CHD1L: variants seen among roughly 807,000 people sequenced by gnomAD.
CHD1L encodes ATP-dependent chromatin remodeler CHD1L.
A neutral mutation model predicts 115.9 loss-of-function variants in CHD1L; 118 were observed. The observed-to-expected ratio is 1.02, with a 90% CI of 0.88 to 1.19. CHD1L has a LOEUF of 1.19. Among genes scored for constraint, CHD1L ranks in the 50% most tolerant of loss-of-function variants. The probability of loss-of-function intolerance (pLI) is 0.00; values close to 1 mark genes in which losing one functional copy is unlikely to be tolerated. For missense variants in CHD1L, 1,179 were observed against 1,065.3 expected (o/e 1.11, Z -1.49); for synonymous variants, 411 against 387.1 (o/e 1.06, Z -0.72).
At chr1:147,179,730 C>G in the CHD1L span, 5 of 676,656 alleles carry the variant, frequency 7.4e-6, no homozygotes, top group Non-Finnish European at 1.3e-5. Flanking sequence ...GTCTCAGGGC[C>G]GAGAGGACAG....
At chr1:147,252,072 G>A (rs186095756) in intron 1 of CHD1L, among the ~76,000 whole-genome samples, 6 of 152,214 alleles carry the variant, frequency 3.9e-5, no homozygotes, top group Middle Eastern at 3.4e-3. Context: ...AGTAAGTTCC[G>A]TATTAATTTC....
At chr1:147,223,623 A>C in the CHD1L span, 92,847 of 157,202 alleles carry the variant, frequency 0.59, 29,560 homozygotes, top group East Asian at 0.87. Context: ...AAGCAGGAAG[A>C]CAAAAAAGTT....
At chr1:147,204,794 A>ATGC in the CHD1L span, 1 of 1,591,730 alleles carries the variant, frequency 6.3e-7, no homozygotes, top group Non-Finnish European at 8.6e-7. Context: ...TTTCGTCCAT[A>ATGC]TGCTGTACGA....
At chr1:147,267,377 G>T in intron 8 of CHD1L, 49 bp from the exon 9 acceptor site, 1 of 1,429,640 alleles carries the variant, frequency 7.0e-7, no homozygotes, top group Non-Finnish European at 9.8e-7. Flanking sequence ...TTTCTGTTTT[G>T]TTCAGTAGGC....
intron 10 of CHD1L, 55 bp downstream of exon 10, chr1:147,268,933 T>C: frequency 7.2e-7 from 1 of 1,389,972 alleles, no homozygotes; most frequent in Non-Finnish European, 1.0e-6. Context: ...AAAACCTGAC[T>C]ATTGAGGAAC....
chr1:147,260,997 A>C (rs587600984), intron 6 of CHD1L: 10 of 152,314 alleles, frequency 6.6e-5, no homozygotes, highest in East Asian at 5.8e-4. Flanking sequence ...CCAATTAATA[A>C]ATTTAGAGGT....
At chr1:147,179,638 AAAC>A in the CHD1L span, 1 of 1,419,832 alleles carries the variant, frequency 7.0e-7, no homozygotes, top group South Asian at 1.2e-5. Context: ...AGCAGTAGGC[AAAC>A]ACCACTTTGT....
At chr1:147,287,612 A>G in intron 18 of CHD1L, 23 bp from the exon 19 acceptor site, 2 of 1,598,472 alleles carry the variant, frequency 1.3e-6, no homozygotes, top group Middle Eastern at 1.7e-4. Flanking sequence ...CTATAGATGA[A>G]AATTTTCTCT....
At position 147,287,640 on chromosome 1, in the gene CHD1L, T is replaced by C; in HGVS notation, c.2227T>C (p.Ser743Pro). 1 of 1,613,584 alleles carries C rather than the reference T, an allele frequency of 6.2e-7. No individual in the cohort carries two copies. The highest frequency in any genetic ancestry group is 8.5e-7 in the Non-Finnish European group (1 of 1,179,728). ...DALIVHCVDD[S>P]GHWGRGGLFT... ...TTTTCTCTTTCTTCAAACAGATGAC[T>C]CTGGCCACTGGGGCAGAGGTGGTTT... The change falls in exon 19 of 23, where the codon TCT becomes CCT. Residue 743 changes from serine to proline, a missense_variant. Ser to Pro is a moderately conservative substitution (Grantham distance 74). Transcript: ENST00000369258.
chr1:147,294,269 A>G lies in CHD1L; in HGVS notation c.2507-140A>G, dbSNP rs587619977. On this transcript the variant is annotated intron_variant, in intron 21 of 22. Coordinates refer to ENST00000369258, the MANE Select transcript of CHD1L (RefSeq NM_004284.6). ...GAATAATTTAATTTTTCTTACTACA[A>G]TTCTTCCCCCGGAATATTTTTGACA... 757 of 494,204 alleles carry G rather than the reference A, an allele frequency of 1.5e-3. 1 individual carries two copies. The highest frequency in any genetic ancestry group is 3.9e-3 in the Admixed American group (103 of 26,104). 30.6% of individuals were successfully genotyped at this position (494,204 alleles called of 1,614,324 possible). A position where few individuals can be genotyped will look rare whatever the true frequency, so the allele number is the denominator to read the frequency against.
At chr1:147,204,120 C>T in the CHD1L span, 1 of 1,053,062 alleles carries the variant, frequency 9.5e-7, no homozygotes, top group African/African-American at 1.6e-5. Flanking sequence ...AGATTTTCTT[C>T]TCCCTTACTT....
Position 147,255,915 on chromosome 1 carries a change from G to T in CHD1L, c.450G>T (p.Leu150=). The change falls in exon 4 of 23, where the codon CTG becomes CTT. Residue 150 remains leucine, a synonymous_variant. Transcript: ENST00000369258. ...LKQESRFHVL[L]TTYEICLKDA... ...AGGAGTCACGTTTTCATGTGCTACT[G>T]ACTACCTATGAGGTATTCATTCGTT... 1 of 1,611,836 alleles carries T rather than the reference G, an allele frequency of 6.2e-7. No individual in the cohort carries two copies. Among genetic ancestry groups the T allele is most frequent in the South Asian group, 1.1e-5 (1 of 90,790 alleles).
chr1:147,268,870 G>C lies in CHD1L; in HGVS notation c.1077G>C (p.Leu359=). 1 of 1,611,996 alleles carries C rather than the reference G, an allele frequency of 6.2e-7. No homozygotes were observed. The highest frequency in any genetic ancestry group is 1.1e-5 in the South Asian group (1 of 90,988). Residue 359 remains leucine (L), a synonymous_variant, in exon 10 of 23, where the codon CTG becomes CTC. Transcript: ENST00000369258. ...TGCTGGATAAGCTACTAGCATTCCTGTATTCTGGGTAGGTGGTAGGTTCAC... is the reference window on the plus strand; with the variant it reads ...TGCTGGATAAGCTACTAGCATTCCTCTATTCTGGGTAGGTGGTAGGTTCAC... ...LHLLDKLLAF[L]YSGGHRVLLF...
chr1:147,290,304 C>G (rs1240554953), intron 19 of CHD1L, among the ~76,000 whole-genome samples: 2 of 151,964 alleles, frequency 1.3e-5, no homozygotes, highest in Non-Finnish European at 2.9e-5. Flanking sequence ...AGGCTGGCCT[C>G]AAACTCCTGA....
At chr1:147,288,595 C>G (rs1432383261) in intron 19 of CHD1L, among the ~76,000 whole-genome samples, 6 of 152,120 alleles carry the variant, frequency 3.9e-5, no homozygotes, top group African/African-American at 1.4e-4. Flanking sequence ...GCAGAAGAAT[C>G]ACTTGAACCT....
At chr1:147,232,284 C>T in the CHD1L span, among the ~76,000 whole-genome samples, 1 of 152,194 alleles carries the variant, frequency 6.6e-6, no homozygotes, top group Non-Finnish European at 1.5e-5. Context: ...TCATTTCTAG[C>T]ACAGTGTCTG....
At chr1:147,193,211 T>C in the CHD1L span, among the ~76,000 whole-genome samples, 1 of 152,172 alleles carries the variant, frequency 6.6e-6, no homozygotes, top group Non-Finnish European at 1.5e-5. Context: ...TATTCAGAGA[T>C]TCAGCTTCTT....
At chr1:147,228,881 T>A in the CHD1L span, among the ~76,000 whole-genome samples, 1 of 152,200 alleles carries the variant, frequency 6.6e-6, no homozygotes, top group Non-Finnish European at 1.5e-5. Context: ...GTAAATTTGT[T>A]TGAGTTCATT....
chr1:147,248,336 G>A (rs587603388), intron 1 of CHD1L, among the ~76,000 whole-genome samples: 1 of 152,096 alleles, frequency 6.6e-6, no homozygotes, highest in Non-Finnish European at 1.5e-5. Context: ...AGCTTCCTGA[G>A]TAGCTGGGAT....
Sources: gnomAD v4.1 joint callset for allele counts (sites outside exome capture counted in the v4.1 genomes callset) on GRCh38, gnomAD v4.1.1 for gene constraint, MANE v1.5 for transcripts, NCBI Gene and HGNC (gene_info 2026-07-23, HGNC 2026-07-21) for gene names.